R3HDM2: variants seen among roughly 807,000 people sequenced by gnomAD.
R3HDM2 encodes R3H domain-containing protein 2.
A neutral mutation model predicts 124.5 loss-of-function variants in R3HDM2; 38 were observed. The ratio of observed to expected loss-of-function variants is 0.31; its 90% CI spans 0.24 to 0.40. R3HDM2 has a LOEUF of 0.40. Ranked by LOEUF, R3HDM2 falls within the 10% of genes least tolerant of loss-of-function variation. R3HDM2 has a pLI of 1.00. For missense variants in R3HDM2, 869 were observed against 1,236.9 expected, an observed-to-expected ratio of 0.70 and a Z score of 4.46; for synonymous variants, 391 against 448.0, an observed-to-expected ratio of 0.87 and a Z score of 1.61.
chr12:57,297,987 C>A, intron 7 of R3HDM2, 103 bp downstream of exon 7: 1 of 777,678 alleles, frequency 1.3e-6, no homozygotes, highest in Admixed American at 2.0e-5. Flanking sequence ...GGAAGATGAG[C>A]ATCCTAGATT....
intron 1 of R3HDM2, among the ~76,000 whole-genome samples, chr12:57,429,042 G>A (rs545861113): frequency 3.9e-4 from 60 of 152,110 alleles, no homozygotes; most frequent in African/African-American, 1.2e-3. Context: ...CACCGTGCCC[G>A]GCCAGTCAGG....
intron 2 of R3HDM2, among the ~76,000 whole-genome samples, chr12:57,336,253 G>C (rs1315969804): frequency 6.6e-6 from 1 of 152,034 alleles, no homozygotes; most frequent in East Asian, 1.9e-4. Context: ...GTTCCTCAAA[G>C]AGCTAAAAGC....
chr12:57,425,807 C>T (rs1371217692), intron 1 of R3HDM2, among the ~76,000 whole-genome samples: 21 of 151,972 alleles, frequency 1.4e-4, no homozygotes, highest in Non-Finnish European at 2.9e-5. Context: ...AAACGAAAAA[C>T]GCACACTTCA....
At chr12:57,341,448 G>A (rs1593575407) in intron 2 of R3HDM2, 5 of 982,320 alleles carry the variant, frequency 5.1e-6, no homozygotes, top group Non-Finnish European at 6.0e-6. Flanking sequence ...GAAAAAGACT[G>A]CAAACAAAAT....
chr12:57,405,621 G>T (rs1192587963), intron 1 of R3HDM2, among the ~76,000 whole-genome samples: 2 of 152,098 alleles, frequency 1.3e-5, no homozygotes, highest in Non-Finnish European at 2.9e-5. Flanking sequence ...GTGACAGAGT[G>T]AGACTGTCTC....
At chr12:57,288,037 A>G (rs1252358473) in intron 12 of R3HDM2, among the ~76,000 whole-genome samples, 2 of 140,094 alleles carry the variant, frequency 1.4e-5, no homozygotes, top group Admixed American at 7.4e-5. Context: ...TTTTTTTGAG[A>G]CAGAGTCTTG....
chr12:57,376,133 G>A (rs1259438533), intron 2 of R3HDM2, among the ~76,000 whole-genome samples: 2 of 152,214 alleles, frequency 1.3e-5, no homozygotes, highest in Non-Finnish European at 2.9e-5. Flanking sequence ...GTCCTTCATT[G>A]AAGATAGAAC....
rs1474528894 is a variant in R3HDM2 at position 57,256,499 on chromosome 12, T to C, written c.2462A>G (p.Tyr821Cys). 6.3e-7 allele frequency: 1 copy of C among 1,582,850 alleles called. No individual in the cohort carries two copies. Among genetic ancestry groups the C allele is most frequent in the African/African-American group, 1.4e-5 (1 of 74,030 alleles). The change falls in exon 22 of 24, where the codon TAC becomes TGC. Residue 821 changes from tyrosine (Y) to cysteine (C), a missense_variant. Tyr to Cys is a radical substitution (Grantham distance 194, BLOSUM62 -2). Transcript: ENST00000402412. The part of the protein sequence containing the change: ...PGGPAQGDGR[Y>C]SLLGQPLQYN... ...CTGTAATGGCTGGCCCAAAAGGGAG[T>C]AGCGCCCATCACCTAGGGAGTAAGA...
At position 57,300,239 on chromosome 12, in the gene R3HDM2, C is replaced by T. The variant is rs1031426625; in HGVS notation, c.208-58G>A. ...TTAATGTATCTTATATATTTCTTCC[C>T]TCGGTGAACATTCAGAAAGCTTTTG... On this transcript the variant is annotated intron_variant, in intron 4 of 23. Coordinates refer to ENST00000402412, the MANE Select transcript of R3HDM2 (RefSeq NM_001394031.1). The T allele has an allele frequency of 2.2e-6, 3 of 1,388,190 alleles. No homozygotes were observed. In the African/African-American group the frequency reaches 4.3e-5, roughly 20 times the overall value. 86.0% of individuals were successfully genotyped at this position (1,388,190 alleles called of 1,614,324 possible).
intron 1 of R3HDM2, among the ~76,000 whole-genome samples, chr12:57,406,321 C>CA (rs371243114): frequency 0.011 from 598 of 54,406 alleles, 4 homozygotes; most frequent in African/African-American, 0.018. Context: ...AACTCCGTCT[C>CA]AAAAAAAAAA....
intron 1 of R3HDM2, among the ~76,000 whole-genome samples, chr12:57,415,807 T>A (rs1345869884): frequency 2.0e-5 from 3 of 152,088 alleles, no homozygotes; most frequent in African/African-American, 7.2e-5. Context: ...AAATTCAAAT[T>A]GTACAACATT....
chr12:57,366,160 A>T (rs950668061), intron 2 of R3HDM2, among the ~76,000 whole-genome samples: 1 of 151,854 alleles, frequency 6.6e-6, no homozygotes, highest in Non-Finnish European at 1.5e-5. Flanking sequence ...TTGTCTATCT[A>T]TGTTTTCATT....
In R3HDM2 at chr12:57,254,806, G is replaced by A. The variant is rs376759700; in HGVS notation, c.2940C>T (p.Asp980=). The change falls in exon 24 of 24, where the codon GAC becomes GAT. Residue 980 remains aspartate, a synonymous_variant. Transcript: ENST00000402412. ...FKLRMAKKNY[D]LRILERASSQ Reference sequence around the variant, plus strand: ...AGCTGGCTCGCTCCAGGATCCTCAGGTCATAGTTCTTTTTGGCCATTCGAA... The same window carrying A: ...AGCTGGCTCGCTCCAGGATCCTCAGATCATAGTTCTTTTTGGCCATTCGAA... The A allele has an allele frequency of 8.1e-6, 13 of 1,599,328 alleles. No individual in the cohort carries two copies. Among genetic ancestry groups the A allele is most frequent in the Non-Finnish European group, 1.1e-5 (13 of 1,169,940 alleles).
At chr12:57,423,460 A>G (rs2070401626) in intron 1 of R3HDM2, among the ~76,000 whole-genome samples, 1 of 150,682 alleles carries the variant, frequency 6.6e-6, no homozygotes, top group Non-Finnish European at 1.5e-5. Flanking sequence ...AAATTTTACA[A>G]GGTCTCCCAT....
At chr12:57,419,785 T>C (rs1192272281) in intron 1 of R3HDM2, among the ~76,000 whole-genome samples, 1 of 151,962 alleles carries the variant, frequency 6.6e-6, no homozygotes, top group African/African-American at 2.4e-5. Context: ...GCCCAGGCTA[T>C]TGTATCTGCT....
At chr12:57,395,687 G>T in intron 2 of R3HDM2, 62 bp downstream of exon 2, 1 of 653,548 alleles carries the variant, frequency 1.5e-6, no homozygotes, top group Non-Finnish European at 1.9e-6. Flanking sequence ...AATGAGAACA[G>T]ATGTATAACA....
In R3HDM2 at chr12:57,366,907, G is replaced by A. The variant is rs142672660; in HGVS notation, c.-36+28842C>T. Among the ~76,000 whole-genome samples, 964 of 152,028 alleles carry A rather than the reference G, an allele frequency of 6.3e-3. 7 individuals are homozygous for A. The highest frequency in any genetic ancestry group is 0.022 in the African/African-American group (917 of 41,440). ...GGGTTTCACTGTGTTACCCAGGATG[G>A]TCTCGATCTGACCTCATGATCCGCC... On this transcript the variant is annotated intron_variant, in intron 2 of 23. Coordinates refer to ENST00000402412, the MANE Select transcript of R3HDM2 (RefSeq NM_001394031.1).
chr12:57,295,510 G>T lies in R3HDM2; in HGVS notation c.702-3C>A. 1.3e-6 allele frequency: 2 copies of T among 1,544,002 alleles called. No homozygotes were observed. Among genetic ancestry groups the T allele is most frequent in the Non-Finnish European group, 1.8e-6 (2 of 1,140,370 alleles). ...GTTCTGAGAACCTCTGTTCAGGGCT[G>T]AGATTTGGAGAGAAATGTGAAAGGA... is the stretch of plus-strand genomic sequence containing the variant. On this transcript the variant is annotated splice_polypyrimidine_tract_variant and splice_region_variant and intron_variant, in intron 9 of 23. Transcript: ENST00000402412.
intron 2 of R3HDM2, among the ~76,000 whole-genome samples, chr12:57,366,156 A>G (rs1245242207): frequency 1.3e-5 from 2 of 151,752 alleles, no homozygotes; most frequent in East Asian, 1.9e-4. Flanking sequence ...TTTTTTGTCT[A>G]TCTATGTTTT....
Sources: gnomAD v4.1 joint callset for allele counts (sites outside exome capture counted in the v4.1 genomes callset) on GRCh38, gnomAD v4.1.1 for gene constraint, MANE v1.5 for transcripts, NCBI Gene and HGNC (gene_info 2026-07-23, HGNC 2026-07-21) for gene names.